Variants in GGA3 observed in about 807,000 individuals in gnomAD.
GGA3 encodes the protein ADP-ribosylation factor-binding protein GGA3.
A neutral mutation model predicts 77.5 loss-of-function variants in GGA3; 57 were observed. The ratio of observed to expected loss-of-function variants is 0.74; its 90% CI spans 0.59 to 0.92. The LOEUF is 0.92. Ranked by LOEUF, GGA3 falls within the 40% of genes least tolerant of loss-of-function variation. GGA3 has a pLI of 0.00. For synonymous variants in GGA3, 416 were observed against 383.7 expected (o/e 1.08, Z -0.98); for missense variants, 970 against 914.9 (o/e 1.06, Z -0.78).
intron 1 of GGA3, among the ~76,000 whole-genome samples, chr17:75,259,877 C>T (rs1466514908): frequency 2.6e-5 from 4 of 152,074 alleles, no homozygotes; most frequent in Non-Finnish European, 4.4e-5. Context: ...AGGCTGGGTG[C>T]GGTAGCTCAC....
rs1314423305 is a variant in GGA3, at chr17:75,261,319, G to A, written c.40+229C>T. Among the ~76,000 whole-genome samples, 3 of 152,256 alleles carry A rather than the reference G, an allele frequency of 2.0e-5. No individual in the cohort carries two copies. The East Asian group carries it at 5.8e-4, about 29-fold the overall frequency. The stretch of plus-strand genomic sequence containing the variant: ...CCCGACAGGAGCCCGAGTTCACGCC[G>A]CCGCGCGCCAGAGCAAGAGGACGCG... On this transcript the variant is annotated intron_variant, in intron 1 of 16. Coordinates refer to ENST00000537686, the MANE Select transcript of GGA3 (RefSeq NM_138619.4).
chr17:75,244,434 A>C (rs2076683827), intron 4 of GGA3, 185 bp downstream of exon 4: 2 of 586,760 alleles, frequency 3.4e-6, no homozygotes, highest in Non-Finnish European at 6.1e-6. Flanking sequence ...GCTTCAGAAA[A>C]AGCTGCCGGT....
chr17:75,238,611 TG>T, intron 16 of GGA3, 40 bp downstream of exon 16: 2 of 1,401,872 alleles, frequency 1.4e-6, no homozygotes, highest in Non-Finnish European at 2.0e-6. Context: ...CTGGGGCAGC[TG>T]GGGCCTCAGG....
intron 2 of GGA3, 43 bp from the exon 3 acceptor site, chr17:75,246,627 G>A (rs2076767807): frequency 3.8e-6 from 6 of 1,586,198 alleles, no homozygotes; most frequent in South Asian, 2.2e-5. Context: ...TAAGCCTGGG[G>A]CTACCTGGCT....
chr17:75,252,762 T>C (rs1473140178), intron 1 of GGA3, among the ~76,000 whole-genome samples: 1 of 152,170 alleles, frequency 6.6e-6, no homozygotes, highest in Non-Finnish European at 1.5e-5. Context: ...GTGATTTGTT[T>C]CTGCCCCACC....
At chr17:75,249,141 G>T in intron 1 of GGA3, 1 of 242,658 alleles carries the variant, frequency 4.1e-6, no homozygotes, top group Non-Finnish European at 6.6e-6. Flanking sequence ...CACCTCCCAG[G>T]TTCGAGCTAT....
At chr17:75,256,865 T>C (rs1031838966) in intron 1 of GGA3, among the ~76,000 whole-genome samples, 1 of 152,110 alleles carries the variant, frequency 6.6e-6, no homozygotes, top group Admixed American at 6.5e-5. Context: ...ACTAGGTAAG[T>C]AGAGGCCTTT....
At chr17:75,250,805 C>T (rs1403343389) in intron 1 of GGA3, among the ~76,000 whole-genome samples, 2 of 142,132 alleles carry the variant, frequency 1.4e-5, no homozygotes, top group African/African-American at 2.7e-5. Context: ...GGTCTGGGCA[C>T]GGTGGCTCAC....
At chr17:75,257,707 G>C (rs1375945544) in intron 1 of GGA3, among the ~76,000 whole-genome samples, 1 of 152,048 alleles carries the variant, frequency 6.6e-6, no homozygotes, top group Non-Finnish European at 1.5e-5. Context: ...TCCCACTCTA[G>C]GTTCCCACGC....
chr17:75,238,426 C>G (rs770517015), intron 16 of GGA3, 37 bp from the exon 17 acceptor site: 2 of 1,574,302 alleles, frequency 1.3e-6, no homozygotes, highest in Admixed American at 1.7e-5. Flanking sequence ...CCAGCCCAGG[C>G]GGCCCCTTGG....
chr17:75,243,069 C>T lies in GGA3; in HGVS notation c.522G>A (p.Lys174=). Residue 174 remains lysine (K), a synonymous_variant, in exon 6 of 17, where the codon AAG becomes AAA. Coordinates refer to ENST00000537686, the MANE Select transcript of GGA3 (RefSeq NM_138619.4). ...GGCCCAGGGTGTCCTTTACCTTGGA[C>T]TTCTCCTCATCATCAAAAACAGGGT... ...PKNPVFDDEE[K]SKLLAKLLKS... The T allele has an allele frequency of 6.2e-7, 1 of 1,610,814 alleles. No individual in the cohort carries two copies.
intron 1 of GGA3, among the ~76,000 whole-genome samples, chr17:75,252,449 C>A (rs2076999525): frequency 6.6e-6 from 1 of 152,134 alleles, no homozygotes; most frequent in African/African-American, 2.4e-5. Context: ...TCCCCCACCT[C>A]TTTTTTGACT....
chr17:75,242,502 G>A (rs1375935479), intron 7 of GGA3, 29 bp from the exon 8 acceptor site: 1 of 1,613,798 alleles, frequency 6.2e-7, no homozygotes, highest in Admixed American at 1.7e-5. Flanking sequence ...TCAAGAGAAA[G>A]AGAGCGTCAC....
intron 5 of GGA3, 105 bp from the exon 6 acceptor site, chr17:75,243,271 G>A: frequency 1.8e-6 from 2 of 1,124,864 alleles, no homozygotes; most frequent in East Asian, 2.4e-5. Flanking sequence ...GCAAAGGGTA[G>A]CAGGGTGGAG....
rs1237913917 is a variant in GGA3 at position 75,238,119 on chromosome 17, C to T, written c.*160G>A. ...TTAGGGGCCAAAGGAGAGGTTATCA[C>T]AGCAGCAGTTTGGTTCTCAGCAGAA... is the stretch of plus-strand genomic sequence containing the variant. On this transcript the variant is annotated 3_prime_UTR_variant, in exon 17 of 17. Coordinates refer to ENST00000537686, the MANE Select transcript of GGA3 (RefSeq NM_138619.4). 2 of 1,424,252 alleles carry T rather than the reference C, an allele frequency of 1.4e-6. No individual in the cohort carries two copies. Among genetic ancestry groups the T allele is most frequent in the East Asian group, 2.6e-5 (1 of 39,158 alleles). 88.2% of individuals were successfully genotyped at this position (1,424,252 alleles called of 1,614,324 possible).
chr17:75,240,557 G>C, intron 11 of GGA3, 145 bp from the exon 12 acceptor site: 2 of 675,302 alleles, frequency 3.0e-6, no homozygotes, highest in South Asian at 3.7e-5. Flanking sequence ...GCCTCCAGAG[G>C]GGAATGGAGC....
chr17:75,237,166 C>A lies in GGA3; in HGVS notation c.*1113G>T. ...CTGGGACAAGCTGGCGGGGGCCAAG[C>A]ACTGTTGAAGCAATAGGGTCTGGTG... On this transcript the variant is annotated 3_prime_UTR_variant, in exon 17 of 17. Coordinates refer to ENST00000537686, the MANE Select transcript of GGA3 (RefSeq NM_138619.4). 2.2e-6 allele frequency: 1 copy of A among 449,242 alleles called. No homozygotes were observed. 27.8% of individuals were successfully genotyped at this position (449,242 alleles called of 1,614,324 possible).
intron 8 of GGA3, 95 bp downstream of exon 8, chr17:75,242,241 G>T: frequency 7.7e-7 from 1 of 1,297,776 alleles, no homozygotes; most frequent in Non-Finnish European, 1.1e-6. Flanking sequence ...TGCACAGCCC[G>T]TGTCTCTGAC....
chr17:75,241,787 A>G lies in GGA3; in HGVS notation c.748-91T>C, dbSNP rs2076569239. On this transcript the variant is annotated intron_variant, in intron 8 of 16. Coordinates refer to ENST00000537686, the MANE Select transcript of GGA3 (RefSeq NM_138619.4). ...GGTTCATGCCCAGAAAATGACCGGGATATGCCAATTGCCACGGTCAATTAC... is the reference window on the plus strand; with the variant it reads ...GGTTCATGCCCAGAAAATGACCGGGGTATGCCAATTGCCACGGTCAATTAC... The G allele has an allele frequency of 1.2e-5, 13 of 1,123,346 alleles. 1 individual carries two copies. The South Asian group carries it at 1.6e-4, about 14-fold the overall frequency. 69.6% of individuals were successfully genotyped at this position (1,123,346 alleles called of 1,614,324 possible). A position where few individuals can be genotyped will look rare whatever the true frequency, so the allele number is the denominator to read the frequency against.
Sources: gnomAD v4.1 joint callset for allele counts (sites outside exome capture counted in the v4.1 genomes callset) on GRCh38, gnomAD v4.1.1 for gene constraint, MANE v1.5 for transcripts, NCBI Gene and HGNC (gene_info 2026-07-23, HGNC 2026-07-21) for gene names.